The following MYO16 variants were observed in gnomAD, a reference collection of about 807,000 sequenced individuals.
MYO16 encodes myosin XVI, also known as unconventional myosin-XVI.
In MYO16, 94 loss-of-function variants were observed where a neutral mutation model predicts 205.3. The observed-to-expected ratio is 0.46, with a 90% CI of 0.39 to 0.54. The LOEUF (loss-of-function observed/expected upper bound fraction) is 0.54, where lower values mean the gene tolerates loss of function less well. Among genes scored for constraint, MYO16 ranks in the 20% least tolerant of loss-of-function variants. The probability of loss-of-function intolerance (pLI) is 0.00; values close to 1 mark genes in which losing one functional copy is unlikely to be tolerated. For missense variants in MYO16, 2,315 were observed against 2,387.5 expected (o/e 0.97, Z 0.63); for synonymous variants, 988 against 954.0 (o/e 1.04, Z -0.66).
At chr13:109,203,878 C>A (rs1272808773) in intron 34 of MYO16, among the ~76,000 whole-genome samples, 1 of 152,166 alleles carries the variant, frequency 6.6e-6, no homozygotes, top group Non-Finnish European at 1.5e-5. Flanking sequence ...AAATGAGTGT[C>A]CCCTGTGGAC....
rs537793567 is a variant in MYO16 at position 108,784,132 on chromosome 13, C to T, written c.508-1503C>T. On this transcript the variant is annotated intron_variant, in intron 4 of 34. Coordinates refer to ENST00000457511, the MANE Select transcript of MYO16 (RefSeq NM_001198950.3). ...TGCCTATCCTTGACCAAAGCACTGC[C>T]GTGTTCGTTACAGGAACACAAAATC... 3.5e-4 allele frequency among the ~76,000 whole-genome samples: 54 copies of T among 152,276 alleles called. 1 individual carries two copies. The highest frequency in any genetic ancestry group is 1.2e-3 in the African/African-American group (49 of 41,566).
chr13:108,604,933 A>G (rs1392016706), intron 1 of MYO16, among the ~76,000 whole-genome samples: 1 of 152,188 alleles, frequency 6.6e-6, no homozygotes, highest in Non-Finnish European at 1.5e-5. Flanking sequence ...GTGGTTGTCT[A>G]GCTGGATTAA....
intron 14 of MYO16, among the ~76,000 whole-genome samples, chr13:108,896,936 C>T (rs1279795979): frequency 6.6e-6 from 1 of 152,018 alleles, no homozygotes; most frequent in Non-Finnish European, 1.5e-5. Context: ...CACACCACTG[C>T]AGTGAGCCGA....
At chr13:108,613,693 G>A (rs1215084135) in intron 1 of MYO16, among the ~76,000 whole-genome samples, 1 of 152,066 alleles carries the variant, frequency 6.6e-6, no homozygotes, top group African/African-American at 2.4e-5. Context: ...TATCAGGTTG[G>A]TCCAAGACAT....
intron 5 of MYO16, among the ~76,000 whole-genome samples, chr13:108,788,555 A>G (rs763061185): frequency 2.6e-5 from 4 of 152,152 alleles, no homozygotes; most frequent in African/African-American, 4.8e-5. Flanking sequence ...AGACACCAAA[A>G]GCTTTAGTTG....
the MYO16 span, among the ~76,000 whole-genome samples, chr13:108,499,495 A>T: frequency 6.6e-6 from 1 of 152,178 alleles, no homozygotes; most frequent in African/African-American, 2.4e-5. Flanking sequence ...GTCTTTCAAA[A>T]ATGTACACTG....
At chr13:108,988,841 T>C (rs74121932) in intron 20 of MYO16, among the ~76,000 whole-genome samples, 17,749 of 152,170 alleles carry the variant, frequency 0.12, 1,122 homozygotes, top group East Asian at 0.2. Flanking sequence ...TGTCAGTGGA[T>C]AGAGAGGCAT....
chr13:108,741,987 AT>A (rs1194985347), intron 4 of MYO16, among the ~76,000 whole-genome samples: 1 of 151,982 alleles, frequency 6.6e-6, no homozygotes, highest in Non-Finnish European at 1.5e-5. Flanking sequence ...TATAATCCTT[AT>A]TGTTTCCTTG....
At chr13:109,148,739 G>A (rs1877480298) in intron 32 of MYO16, among the ~76,000 whole-genome samples, 1 of 152,210 alleles carries the variant, frequency 6.6e-6, no homozygotes, top group Admixed American at 6.5e-5. Context: ...GCCGCTGCAG[G>A]AGATGTGCAC....
chr13:108,725,551 T>C (rs1170280375), intron 3 of MYO16, among the ~76,000 whole-genome samples: 1 of 152,168 alleles, frequency 6.6e-6, no homozygotes, highest in Non-Finnish European at 1.5e-5. Context: ...CATCTAGTAC[T>C]CTACCCAGTG....
intron 33 of MYO16, among the ~76,000 whole-genome samples, chr13:109,165,417 A>G (rs2139878272): frequency 6.6e-6 from 1 of 152,374 alleles, no homozygotes; most frequent in Admixed American, 6.5e-5. Context: ...AATATTAAAG[A>G]AATGATAAGT....
At chr13:108,898,337 G>T (rs1432928927) in intron 15 of MYO16, among the ~76,000 whole-genome samples, 1 of 101,680 alleles carries the variant, frequency 9.8e-6, no homozygotes, top group East Asian at 3.1e-4. Context: ...CAGGCACTCA[G>T]TTGAGGGTGT....
chr13:108,753,257 C>G (rs956918927), intron 4 of MYO16, among the ~76,000 whole-genome samples: 1 of 150,794 alleles, frequency 6.6e-6, no homozygotes, highest in African/African-American at 2.4e-5. Context: ...GTAATCCCAG[C>G]GACTTGGGAG....
intron 21 of MYO16, among the ~76,000 whole-genome samples, chr13:109,002,954 C>T (rs979755955): frequency 2.6e-5 from 4 of 152,108 alleles, no homozygotes; most frequent in Admixed American, 2.6e-4. Flanking sequence ...CTATTGTTAA[C>T]CTTAGCTACA....
chr13:109,108,980 A>G (rs757637227), intron 28 of MYO16, among the ~76,000 whole-genome samples: 2 of 152,158 alleles, frequency 1.3e-5, no homozygotes, highest in Non-Finnish European at 2.9e-5. Flanking sequence ...TTATGTTTTC[A>G]TTATTGCCCC....
At chr13:108,895,004 A>G (rs756324752) in intron 14 of MYO16, among the ~76,000 whole-genome samples, 5 of 152,236 alleles carry the variant, frequency 3.3e-5, no homozygotes, top group Non-Finnish European at 7.3e-5. Context: ...ATTCAATTCC[A>G]TTGAAATCAC....
chr13:108,606,811 A>G (rs1041893352), intron 1 of MYO16, among the ~76,000 whole-genome samples: 1 of 152,096 alleles, frequency 6.6e-6, no homozygotes, highest in Non-Finnish European at 1.5e-5. Context: ...AAAGCAACAG[A>G]CACTCAGTGC....
intron 4 of MYO16, among the ~76,000 whole-genome samples, chr13:108,757,951 A>G (rs564346276): frequency 4.1e-4 from 63 of 152,270 alleles, no homozygotes; most frequent in African/African-American, 1.3e-3. Context: ...CATAGGTTGC[A>G]ATTCTAAGCT....
intron 1 of MYO16, among the ~76,000 whole-genome samples, chr13:108,636,345 CCTTTTTTTTTTTTTTTT>C (rs1880225368): frequency 1.3e-5 from 1 of 79,890 alleles, no homozygotes; most frequent in South Asian, 4.7e-4. Context: ...AAAATATTTC[CCTTTTTTTTTTTTTTTT>C]TTTTTTTTGT....
Sources: gnomAD v4.1 joint callset for allele counts (sites outside exome capture counted in the v4.1 genomes callset) on GRCh38, gnomAD v4.1.1 for gene constraint, MANE v1.5 for transcripts, NCBI Gene and HGNC (gene_info 2026-07-23, HGNC 2026-07-21) for gene names.